Variants in DGKB observed in about 807,000 individuals in gnomAD.
The protein encoded by DGKB is 90 kDa diacylglycerol kinase.
Under a neutral mutation model 114.3 loss-of-function variants are expected in DGKB, and 67 were observed. The observed-to-expected ratio is 0.59, with a 90% confidence interval of 0.48 to 0.72. The LOEUF (loss-of-function observed/expected upper bound fraction) is 0.72. DGKB is among the 30% of genes least tolerant of loss of function. The pLI, the probability that DGKB is intolerant of heterozygous loss-of-function variation, is 0.00. For synonymous variants in DGKB, 398 were observed against 323.1 expected, an observed-to-expected ratio of 1.23 and a Z score of -2.49; for missense variants, 907 against 975.2, an observed-to-expected ratio of 0.93 and a Z score of 0.93.
At chr7:14,828,128 T>C (rs1845939990) in intron 2 of DGKB, among the ~76,000 whole-genome samples, 1 of 152,072 alleles carries the variant, frequency 6.6e-6, no homozygotes, top group Non-Finnish European at 1.5e-5. Flanking sequence ...GCAGATAAAA[T>C]AAATGCAATT....
intron 21 of DGKB, among the ~76,000 whole-genome samples, chr7:14,449,437 C>G (rs1831165553): frequency 6.6e-6 from 1 of 151,956 alleles, no homozygotes; most frequent in South Asian, 2.1e-4. Context: ...CTGTTTGTAT[C>G]ATTCGCCCAC....
intron 20 of DGKB, among the ~76,000 whole-genome samples, chr7:14,537,458 A>C (rs1792692632): frequency 6.6e-6 from 1 of 152,106 alleles, no homozygotes; most frequent in South Asian, 2.1e-4. Flanking sequence ...ATGGAACACA[A>C]TAGAGAGCCC....
chr7:14,527,595 T>C (rs1254871288), intron 20 of DGKB, among the ~76,000 whole-genome samples: 2 of 152,110 alleles, frequency 1.3e-5, no homozygotes, highest in South Asian at 4.1e-4. Context: ...TGACTCTATA[T>C]AAATCATTTT....
intron 21 of DGKB, among the ~76,000 whole-genome samples, chr7:14,474,753 A>G (rs1781919185): frequency 6.6e-6 from 1 of 151,994 alleles, no homozygotes; most frequent in African/African-American, 2.4e-5. Context: ...ATACTAATTG[A>G]CAATTTATAT....
At chr7:14,408,499 G>A (rs1035929240) in intron 21 of DGKB, among the ~76,000 whole-genome samples, 2 of 152,074 alleles carry the variant, frequency 1.3e-5, no homozygotes, top group African/African-American at 4.8e-5. Context: ...AGGCTGAACT[G>A]GAAAAGTCTG....
chr7:14,354,595 T>A (rs1486854186), intron 21 of DGKB, among the ~76,000 whole-genome samples: 1 of 152,154 alleles, frequency 6.6e-6, no homozygotes, highest in African/African-American at 2.4e-5. Context: ...TCAAGTGCTA[T>A]AAAGAAGATA....
intron 14 of DGKB, among the ~76,000 whole-genome samples, chr7:14,629,326 T>TA: frequency 6.6e-6 from 1 of 152,190 alleles, no homozygotes; most frequent in Middle Eastern, 3.4e-3. Context: ...TATTTAAGTG[T>TA]ATGTCCAAGT....
At chr7:14,881,703 C>T (rs946589264) in intron 1 of DGKB, among the ~76,000 whole-genome samples, 4 of 152,048 alleles carry the variant, frequency 2.6e-5, no homozygotes, top group African/African-American at 9.7e-5. Context: ...TTCCTATTTA[C>T]TATTGACCTG....
At chr7:14,739,400 A>AG (rs1832214213) in intron 4 of DGKB, among the ~76,000 whole-genome samples, 1 of 152,206 alleles carries the variant, frequency 6.6e-6, no homozygotes, top group Admixed American at 6.5e-5. Flanking sequence ...TGCTCTATGC[A>AG]GGGGAGAATC....
intron 22 of DGKB, among the ~76,000 whole-genome samples, chr7:14,341,633 A>G (rs1260254125): frequency 6.6e-6 from 1 of 151,884 alleles, no homozygotes; most frequent in East Asian, 1.9e-4. Context: ...TGCTCTTTTC[A>G]GTTTTAAAAT....
chr7:14,838,817 A>C (rs934721797), intron 2 of DGKB, among the ~76,000 whole-genome samples: 1 of 152,134 alleles, frequency 6.6e-6, no homozygotes, highest in Non-Finnish European at 1.5e-5. Flanking sequence ...TGTTTGACTC[A>C]AGTACGGCAT....
At chr7:14,910,255 AAAG>A (rs1363279526) in intron 1 of DGKB, among the ~76,000 whole-genome samples, 4 of 31,238 alleles carry the variant, frequency 1.3e-4, no homozygotes, top group Non-Finnish European at 2.4e-4. Flanking sequence ...AGAAAGAAAG[AAAG>A]AAAGAAAGAA....
chr7:14,170,212 A>G (rs1350898814), intron 25 of DGKB, among the ~76,000 whole-genome samples: 1 of 151,682 alleles, frequency 6.6e-6, no homozygotes, highest in African/African-American at 2.4e-5. Context: ...AAATACATTA[A>G]GCCTCTGAAG....
At chr7:14,771,426 C>A (rs576200718) in intron 2 of DGKB, among the ~76,000 whole-genome samples, 4 of 152,086 alleles carry the variant, frequency 2.6e-5, no homozygotes, top group African/African-American at 9.6e-5. Context: ...AGTCTGGGAA[C>A]AATATTACCC....
intron 21 of DGKB, among the ~76,000 whole-genome samples, chr7:14,418,296 CATATATGTATGT>C (rs1181053244): frequency 1.8e-4 from 24 of 136,050 alleles, no homozygotes; most frequent in East Asian, 1.6e-3. Flanking sequence ...TGTATATATA[CATATATGTATGT>C]ATATATGTAT....
intron 1 of DGKB, among the ~76,000 whole-genome samples, chr7:14,925,480 G>C (rs996678348): frequency 3.9e-5 from 6 of 152,102 alleles, no homozygotes; most frequent in African/African-American, 1.4e-4. Flanking sequence ...AAACTTATAG[G>C]TCAATTTATG....
chr7:14,591,660 T>G (rs925423886), intron 17 of DGKB, among the ~76,000 whole-genome samples: 2 of 152,112 alleles, frequency 1.3e-5, no homozygotes, highest in Non-Finnish European at 2.9e-5. Flanking sequence ...TTAACGACAC[T>G]TTTTTGTACA....
At chr7:14,212,963 C>T (rs940101043) in intron 23 of DGKB, among the ~76,000 whole-genome samples, 6 of 152,030 alleles carry the variant, frequency 3.9e-5, no homozygotes, top group Admixed American at 6.6e-5. Context: ...ATTGTCCTTT[C>T]ATCATCACTC....
rs930019605 is a variant in DGKB at position 14,147,455 on chromosome 7, T to G, written c.*1676A>C. On this transcript the variant is annotated 3_prime_UTR_variant, in exon 26 of 26. Transcript: ENST00000402815. The stretch of plus-strand genomic sequence containing the variant: ...TAGCACATTGCTTGAGAGCAGCTAT[T>G]TGATATAACAGCATTCAGTTGAGTT... The G allele has an allele frequency of 4.6e-5, 7 of 152,152 alleles. No homozygotes were observed. Among genetic ancestry groups the G allele is most frequent in the African/African-American group, 1.2e-4 (5 of 41,464 alleles). 9.4% of individuals were successfully genotyped at this position (152,152 alleles called of 1,614,324 possible).
Sources: allele counts gnomAD v4.1 joint callset (sites outside exome capture counted in the v4.1 genomes callset), GRCh38; gene constraint gnomAD v4.1.1; transcripts MANE v1.5; gene names NCBI Gene and HGNC (gene_info 2026-07-23, HGNC 2026-07-21).